GALNTL6: variants seen among roughly 807,000 people sequenced by gnomAD.
GALNTL6 encodes the protein polypeptide N-acetylgalactosaminyltransferase like 6.
Under a neutral mutation model 73.7 loss-of-function variants are expected in GALNTL6, and 46 were observed. The observed-to-expected ratio is 0.62, with a 90% CI of 0.49 to 0.80. The LOEUF (loss-of-function observed/expected upper bound fraction) is 0.80. Ranked by LOEUF, GALNTL6 falls within the 30% of genes least tolerant of loss-of-function variation. The pLI is 0.00. For missense variants in GALNTL6, 604 were observed against 755.0 expected (o/e 0.80, Z 2.34); for synonymous variants, 259 against 263.7 (o/e 0.98, Z 0.17).
intron 5 of GALNTL6, among the ~76,000 whole-genome samples, chr4:172,451,458 T>A (rs766899721): frequency 5.9e-5 from 9 of 152,096 alleles, no homozygotes; most frequent in Non-Finnish European, 1.3e-4. Flanking sequence ...TCAAGTCTCT[T>A]AATGGGCAGA....
At chr4:172,309,519 C>G (rs932698568) in intron 3 of GALNTL6, among the ~76,000 whole-genome samples, 5 of 151,964 alleles carry the variant, frequency 3.3e-5, no homozygotes, top group Non-Finnish European at 5.9e-5. Flanking sequence ...ATTAGACACT[C>G]AAGCACATAC....
chr4:172,635,683 A>G (rs1313874843), intron 5 of GALNTL6, among the ~76,000 whole-genome samples: 2 of 152,160 alleles, frequency 1.3e-5, no homozygotes, highest in Non-Finnish European at 2.9e-5. Flanking sequence ...AAAACATAGC[A>G]CTTAGAAACA....
chr4:171,831,266 G>A (rs960174539), intron 2 of GALNTL6, among the ~76,000 whole-genome samples: 1 of 151,940 alleles, frequency 6.6e-6, no homozygotes, highest in African/African-American at 2.4e-5. Context: ...AAAATCAAAG[G>A]TAAAACATGC....
chr4:172,009,535 C>T (rs1187590413), intron 2 of GALNTL6, among the ~76,000 whole-genome samples: 2 of 152,080 alleles, frequency 1.3e-5, no homozygotes, highest in African/African-American at 4.8e-5. Flanking sequence ...TGATGCTTCT[C>T]ATTTACTTAA....
chr4:173,029,667 T>C (rs1753377023), intron 12 of GALNTL6, among the ~76,000 whole-genome samples: 1 of 152,320 alleles, frequency 6.6e-6, no homozygotes, highest in South Asian at 2.1e-4. Flanking sequence ...CTTTCAGTAC[T>C]GGAGAAAAAA....
intron 3 of GALNTL6, among the ~76,000 whole-genome samples, chr4:172,234,940 T>C (rs1377291996): frequency 6.6e-6 from 1 of 152,166 alleles, no homozygotes. Context: ...TCTTGGAGCA[T>C]AGATTTTTAA....
intron 2 of GALNTL6, among the ~76,000 whole-genome samples, chr4:171,856,751 G>A (rs1032691953): frequency 6.6e-6 from 1 of 152,044 alleles, no homozygotes; most frequent in African/African-American, 2.4e-5. Flanking sequence ...ATTTGTGTGG[G>A]TATATTCCTT....
chr4:172,436,681 C>T (rs1415982243), intron 5 of GALNTL6, among the ~76,000 whole-genome samples: 1 of 152,098 alleles, frequency 6.6e-6, no homozygotes, highest in Non-Finnish European at 1.5e-5. Context: ...TTTTACTTGA[C>T]TCAAGAGGCC....
At chr4:172,533,316 ATTTTTTT>A (rs34973148) in intron 5 of GALNTL6, among the ~76,000 whole-genome samples, 1 of 77,394 alleles carries the variant, frequency 1.3e-5, no homozygotes, top group African/African-American at 5.6e-5. Flanking sequence ...CCCGGCCAGA[ATTTTTTT>A]TTTTTTTTTT....
At chr4:172,247,878 A>T (rs1179556473) in intron 3 of GALNTL6, among the ~76,000 whole-genome samples, 1 of 152,228 alleles carries the variant, frequency 6.6e-6, no homozygotes, top group Non-Finnish European at 1.5e-5. Flanking sequence ...ATGATATTGT[A>T]AAAGTATTAT....
chr4:172,691,552 C>T (rs1476853436), intron 5 of GALNTL6, among the ~76,000 whole-genome samples: 1 of 152,172 alleles, frequency 6.6e-6, no homozygotes, highest in East Asian at 1.9e-4. Context: ...GAAAACACTG[C>T]TGTCATTACT....
intron 2 of GALNTL6, among the ~76,000 whole-genome samples, chr4:171,845,783 A>G (rs1735353208): frequency 6.6e-6 from 1 of 152,204 alleles, no homozygotes; most frequent in Non-Finnish European, 1.5e-5. Context: ...ATAAGGAAAA[A>G]AAATCACTTG....
In GALNTL6 at chr4:172,809,267, C is replaced by T; in HGVS notation, c.554-94C>T. The T allele has an allele frequency of 1.1e-6, 1 of 913,418 alleles. No homozygotes were observed. The highest frequency in any genetic ancestry group is 2.2e-5 in the Admixed American group (1 of 46,498). The allele number at this position is 913,418 out of a possible 1,614,324, so 56.6% of individuals were successfully genotyped here. A position where few individuals can be genotyped will look rare whatever the true frequency, so the allele number is the denominator to read the frequency against. ...ACAAGAATGTTACCCCAGGATTCAT[C>T]AGTCACATACTCTCTATGCACAAAC... is the stretch of plus-strand genomic sequence containing the variant. On this transcript the variant is annotated intron_variant, in intron 5 of 12. Transcript: ENST00000506823. The surrounding 1 kb of genome is among the most constrained non-coding windows in gnomAD (Gnocchi z 4.4).
chr4:172,736,067 G>A (rs556597306), intron 5 of GALNTL6, among the ~76,000 whole-genome samples: 8 of 152,310 alleles, frequency 5.3e-5, no homozygotes, highest in Admixed American at 1.3e-4. Context: ...AGGCCAGGGT[G>A]AAACTAGAAT....
At chr4:172,761,857 G>A (rs1470135407) in intron 5 of GALNTL6, among the ~76,000 whole-genome samples, 1 of 152,130 alleles carries the variant, frequency 6.6e-6, no homozygotes, top group Non-Finnish European at 1.5e-5. Flanking sequence ...CCAGTCTCTG[G>A]TAGTTCTTCA....
intron 5 of GALNTL6, among the ~76,000 whole-genome samples, chr4:172,395,942 C>G (rs1034476371): frequency 6.6e-6 from 1 of 152,056 alleles, no homozygotes; most frequent in Admixed American, 6.6e-5. Flanking sequence ...TCTGACTTCA[C>G]GCGTAGTTAA....
At chr4:172,007,794 G>A (rs1740883341) in intron 2 of GALNTL6, among the ~76,000 whole-genome samples, 1 of 152,062 alleles carries the variant, frequency 6.6e-6, no homozygotes, top group Admixed American at 6.6e-5. Flanking sequence ...ATCATTTTAG[G>A]ATATCTCCCC....
intron 5 of GALNTL6, among the ~76,000 whole-genome samples, chr4:172,737,107 C>A (rs1177766796): frequency 6.6e-6 from 1 of 152,180 alleles, no homozygotes; most frequent in Non-Finnish European, 1.5e-5. Flanking sequence ...TAGGTTGAAT[C>A]TGTTCGGTGT....
Position 172,959,456 on chromosome 4 carries a change from C to T in GALNTL6, c.1371+7198C>T, listed in dbSNP as rs547988569. Among the ~76,000 whole-genome samples, 3 of 152,082 alleles carry T rather than the reference C, an allele frequency of 2.0e-5. No individual in the cohort carries two copies. In the South Asian group the frequency reaches 6.2e-4, roughly 32 times the overall value. On this transcript the variant is annotated intron_variant, in intron 10 of 12. Coordinates refer to ENST00000506823, the MANE Select transcript of GALNTL6 (RefSeq NM_001034845.3). ...AGGTTTAGAAGCCTGGCCGTCAATA[C>T]CTACAACAGTTATGGAGGCAAGGGA...
Sources: allele counts gnomAD v4.1 joint callset (sites outside exome capture counted in the v4.1 genomes callset), GRCh38; gene constraint gnomAD v4.1.1; non-coding constraint Gnocchi (gnomAD v3.1); transcripts MANE v1.5; gene names NCBI Gene and HGNC (gene_info 2026-07-23, HGNC 2026-07-21).